The following ZDHHC20 variants were observed in gnomAD, a reference collection of about 807,000 sequenced individuals.
ZDHHC20 encodes the protein zDHHC palmitoyltransferase 20, also known as palmitoyltransferase ZDHHC20.
A neutral mutation model predicts 57.8 loss-of-function variants in ZDHHC20; 43 were observed. The ratio of observed to expected loss-of-function variants is 0.74; its 90% confidence interval spans 0.58 to 0.96. The LOEUF (loss-of-function observed/expected upper bound fraction) is 0.96, where lower values mean the gene tolerates loss of function less well. Ranked by LOEUF, ZDHHC20 falls within the 40% of genes least tolerant of loss-of-function variation. ZDHHC20 has a pLI of 0.00. For missense variants in ZDHHC20, 391 were observed against 441.1 expected (o/e 0.89, Z 1.02); for synonymous variants, 157 against 153.0 (o/e 1.03, Z -0.19).
chr13:21,373,174 T>C lies in ZDHHC20; in HGVS notation c.*3522A>G, dbSNP rs1593149791. 1 of 152,214 alleles carries C rather than the reference T, an allele frequency of 6.6e-6. No homozygotes were observed. Among genetic ancestry groups the C allele is most frequent in the East Asian group, 1.9e-4 (1 of 5,192 alleles). 9.4% of individuals were successfully genotyped at this position (152,214 alleles called of 1,614,324 possible). On this transcript the variant is annotated 3_prime_UTR_variant, in exon 13 of 13. Coordinates refer to ENST00000400590, the MANE Select transcript of ZDHHC20 (RefSeq NM_001330059.2). ...ATTAGTTAAAAATACTTTCCATTGA[T>C]AGCAGTGCTAGTCCCTAGAACAAAA...
chr13:21,381,326 A>C, intron 11 of ZDHHC20, 108 bp downstream of exon 11: 1 of 945,252 alleles, frequency 1.1e-6, no homozygotes, highest in South Asian at 1.6e-5. Flanking sequence ...AGTTTCACAT[A>C]TTTTAGTATT....
chr13:21,449,525 C>T (rs1274794527), intron 1 of ZDHHC20, among the ~76,000 whole-genome samples: 1 of 152,134 alleles, frequency 6.6e-6, no homozygotes, highest in East Asian at 1.9e-4. Context: ...GCCTAAGTTC[C>T]AGAACTCACA....
intron 1 of ZDHHC20, among the ~76,000 whole-genome samples, chr13:21,453,000 A>C (rs1456039605): frequency 6.6e-6 from 1 of 152,232 alleles, no homozygotes; most frequent in Non-Finnish European, 1.5e-5. Context: ...TTAAATGTAG[A>C]TGGTCAAAAC....
At chr13:21,411,133 T>G (rs1879162351) in intron 4 of ZDHHC20, among the ~76,000 whole-genome samples, 1 of 152,210 alleles carries the variant, frequency 6.6e-6, no homozygotes, top group Admixed American at 6.5e-5. Context: ...CGACCCCTTG[T>G]GCTTCCCGGG....
intron 1 of ZDHHC20, among the ~76,000 whole-genome samples, chr13:21,441,813 G>A (rs894907202): frequency 6.6e-6 from 1 of 151,896 alleles, no homozygotes; most frequent in African/African-American, 2.4e-5. Context: ...TGGGTTTTCT[G>A]TTGTTATTCT....
intron 7 of ZDHHC20, among the ~76,000 whole-genome samples, chr13:21,393,423 C>T (rs1174093874): frequency 2.7e-5 from 4 of 148,522 alleles, no homozygotes; most frequent in African/African-American, 1.0e-4. Flanking sequence ...ATCACTTAAC[C>T]CAGAAGGTGG....
rs530831804 is a variant in ZDHHC20, at chr13:21,424,668, G to A, written c.145+984C>T. Among the ~76,000 whole-genome samples the A allele has an allele frequency of 3.4e-4, 51 of 150,350 alleles. 1 individual carries two copies. The highest frequency in any genetic ancestry group is 2.3e-3 in the Admixed American group (35 of 15,056). ...GGAGCTTGCAGTGAGCCTAGATTGCGCCACTGCACTCCAGCCTGGGCAACA... is the reference window on the plus strand; with the variant it reads ...GGAGCTTGCAGTGAGCCTAGATTGCACCACTGCACTCCAGCCTGGGCAACA... On this transcript the variant is annotated intron_variant, in intron 2 of 12. Transcript: ENST00000400590.
rs1297141188 is a variant in ZDHHC20, at chr13:21,402,863, A to G, written c.374T>C (p.Ile125Thr). ...PIYTTSASKT[I>T]RYCEKCQLIK... ...CAGCTGACATTTTTCACAATATCTG[A>G]TAGCTACATGAAAGAAGTAAAAGGA... The change falls in exon 5 of 13, where the codon ATC becomes ACC. Residue 125 changes from isoleucine (I) to threonine (T), a missense_variant. By Grantham distance (89) the Ile-to-Thr change is moderately conservative. Coordinates refer to ENST00000400590, the MANE Select transcript of ZDHHC20 (RefSeq NM_001330059.2). 6.3e-7 allele frequency: 1 copy of G among 1,589,192 alleles called. No homozygotes were observed. The highest frequency in any genetic ancestry group is 1.2e-5 in the South Asian group (1 of 86,872).
chr13:21,385,583 T>C (rs1874321164), intron 9 of ZDHHC20, among the ~76,000 whole-genome samples: 1 of 152,058 alleles, frequency 6.6e-6, no homozygotes, highest in Non-Finnish European at 1.5e-5. Context: ...ATGGCAGAGA[T>C]GGACAAAATA....
Position 21,421,114 on chromosome 13 carries a change from C to T in ZDHHC20, c.196G>A (p.Val66Ile), listed in dbSNP as rs1880597721. Residue 66 changes from valine to isoleucine, a missense_variant, in exon 3 of 13, where the codon GTA becomes ATA. This residue lies in a region of ZDHHC20 where 185 missense variants were observed against 188.0 expected (regional missense o/e 0.98). Transcript: ENST00000400590. ...VAFHLFFVMFVWSYWMTIFTS... is the reference protein window; with the variant it reads ...VAFHLFFVMFIWSYWMTIFTS... ...AAAATTGTCATCCAATAGGACCATACAAACATAACAAAGAACAGATGGAAA... is the reference window on the plus strand; with the variant it reads ...AAAATTGTCATCCAATAGGACCATATAAACATAACAAAGAACAGATGGAAA... The T allele has an allele frequency of 6.2e-7, 1 of 1,613,222 alleles. No individual in the cohort carries two copies. Among genetic ancestry groups the T allele is most frequent in the East Asian group, 2.2e-5 (1 of 44,824 alleles).
At chr13:21,392,482 ACT>A (rs1875915998) in intron 7 of ZDHHC20, among the ~76,000 whole-genome samples, 1 of 152,084 alleles carries the variant, frequency 6.6e-6, no homozygotes, top group African/African-American at 2.4e-5. Flanking sequence ...TTCAATTCCT[ACT>A]TTTTTCATCT....
chr13:21,401,677 A>C lies in ZDHHC20; in HGVS notation c.449T>G (p.Leu150Arg). 1 of 1,527,634 alleles carries C rather than the reference A, an allele frequency of 6.5e-7. No homozygotes were observed. The highest frequency in any genetic ancestry group is 8.8e-7 in the Non-Finnish European group (1 of 1,140,066). The allele number at this position is 1,527,634 out of a possible 1,614,324, so 94.6% of individuals were successfully genotyped here. Residue 150 changes from leucine to arginine, a missense_variant, in exon 6 of 13, where the codon CTT becomes CGT. Physicochemically the swap from Leu to Arg is moderately radical, Grantham distance 102. This residue lies in a region of ZDHHC20 where 185 missense variants were observed against 188.0 expected (regional missense o/e 0.98). Coordinates refer to ENST00000400590, the MANE Select transcript of ZDHHC20 (RefSeq NM_001330059.2). ...HHCSACDSCI[L>R]KMDHHCPWVN... ...CCAAGGACAGTGATGATCCATCTTAAGAATACATCTAGGAAACAAACAAGC... is the reference window on the plus strand; with the variant it reads ...CCAAGGACAGTGATGATCCATCTTACGAATACATCTAGGAAACAAACAAGC...
chr13:21,393,350 A>G (rs1876120315), intron 7 of ZDHHC20, among the ~76,000 whole-genome samples: 1 of 151,846 alleles, frequency 6.6e-6, no homozygotes, highest in South Asian at 2.1e-4. Flanking sequence ...AAAATGCAAA[A>G]ATTAGCCGGG....
intron 4 of ZDHHC20, among the ~76,000 whole-genome samples, chr13:21,410,855 T>G (rs1204300421): frequency 6.6e-6 from 1 of 152,086 alleles, no homozygotes; most frequent in Non-Finnish European, 1.5e-5. Flanking sequence ...CAACCCCCTT[T>G]CCAGGAGAAG....
intron 11 of ZDHHC20, among the ~76,000 whole-genome samples, chr13:21,379,825 C>CTTTTTTTTTT (rs56681468): frequency 5.1e-5 from 7 of 137,726 alleles, no homozygotes; most frequent in Admixed American, 1.5e-4. Context: ...TTTCTTTTTT[C>CTTTTTTTTTT]TTTTTTTTTG....
At chr13:21,432,039 A>G (rs1012143968) in intron 1 of ZDHHC20, among the ~76,000 whole-genome samples, 4 of 152,026 alleles carry the variant, frequency 2.6e-5, no homozygotes, top group Non-Finnish European at 4.4e-5. Context: ...ACAGTTTCTC[A>G]TATGTTTTCT....
intron 1 of ZDHHC20, among the ~76,000 whole-genome samples, chr13:21,458,570 C>G (rs1379669152): frequency 6.6e-6 from 1 of 152,182 alleles, no homozygotes; most frequent in African/African-American, 2.4e-5. Context: ...CACCTCCCTT[C>G]CCCCAACCCG....
intron 7 of ZDHHC20, among the ~76,000 whole-genome samples, chr13:21,398,351 C>G (rs1877125640): frequency 1.3e-5 from 2 of 151,916 alleles, no homozygotes; most frequent in Admixed American, 1.3e-4. Flanking sequence ...GTAGTCCCAG[C>G]TACTCGGGAG....
chr13:21,417,869 A>G (rs1880193721), intron 3 of ZDHHC20, among the ~76,000 whole-genome samples: 1 of 152,202 alleles, frequency 6.6e-6, no homozygotes, highest in Admixed American at 6.5e-5. Flanking sequence ...CCAACTTCTG[A>G]GCTGACAGAA....
Sources: gnomAD v4.1 joint callset for allele counts (sites outside exome capture counted in the v4.1 genomes callset) on GRCh38, gnomAD v4.1.1 for gene constraint, gnomAD v4.1.1 regional missense constraint, MANE v1.5 for transcripts, NCBI Gene and HGNC (gene_info 2026-07-23, HGNC 2026-07-21) for gene names.